SPAG17: variants seen among roughly 807,000 people sequenced by gnomAD.
The protein encoded by SPAG17 is sperm associated antigen 17.
A neutral mutation model predicts 273.6 loss-of-function variants in SPAG17; 169 were observed. The ratio of observed to expected loss-of-function variants is 0.62; its 90% confidence interval spans 0.55 to 0.70. SPAG17 has a LOEUF of 0.70. SPAG17 is among the 30% of genes least tolerant of loss of function. The probability of loss-of-function intolerance (pLI) is 0.00; values close to 1 mark genes in which losing one functional copy is unlikely to be tolerated. For missense variants in SPAG17, 2,557 were observed against 2,627.8 expected, an observed-to-expected ratio of 0.97 and a Z score of 0.59; for synonymous variants, 825 against 873.2, an observed-to-expected ratio of 0.94 and a Z score of 0.97.
chr1:118,033,342 C>A (rs1419713124), intron 24 of SPAG17, among the ~76,000 whole-genome samples: 2 of 152,156 alleles, frequency 1.3e-5, no homozygotes, highest in African/African-American at 4.8e-5. Context: ...ATGCCATGAG[C>A]AATTATGCAG....
At chr1:118,096,348 G>C (rs551171266) in intron 7 of SPAG17, among the ~76,000 whole-genome samples, 1 of 133,866 alleles carries the variant, frequency 7.5e-6, no homozygotes, top group African/African-American at 2.6e-5. Context: ...CTTTTAGACA[G>C]TCGGCTTTTT....
chr1:118,011,430 A>G (rs1193824109), intron 30 of SPAG17, among the ~76,000 whole-genome samples: 1 of 152,174 alleles, frequency 6.6e-6, no homozygotes, highest in East Asian at 1.9e-4. Context: ...TGGAAAACGC[A>G]TGGAGCTGGA....
chr1:118,092,296 G>A (rs1198146844), intron 8 of SPAG17, among the ~76,000 whole-genome samples: 4 of 152,090 alleles, frequency 2.6e-5, no homozygotes, highest in African/African-American at 9.7e-5. Context: ...TTTTTCCCCT[G>A]GGTGACTCAG....
chr1:118,091,901 G>T, intron 9 of SPAG17, 29 bp downstream of exon 9: 1 of 1,609,710 alleles, frequency 6.2e-7, no homozygotes, highest in South Asian at 1.1e-5. Context: ...TCATGGTGTT[G>T]ATCCTCCAGC....
chr1:118,119,155 ATATG>A (rs1657272293), intron 3 of SPAG17, among the ~76,000 whole-genome samples: 1 of 152,206 alleles, frequency 6.6e-6, no homozygotes, highest in Admixed American at 6.5e-5. Flanking sequence ...ATTTATACAT[ATATG>A]CATATATGTG....
At chr1:117,981,229 T>C in intron 43 of SPAG17, 41 bp downstream of exon 43, 1 of 1,529,390 alleles carries the variant, frequency 6.5e-7, no homozygotes, top group South Asian at 1.3e-5. Context: ...AGACATAATG[T>C]TCAGTTTCAA....
intron 18 of SPAG17, among the ~76,000 whole-genome samples, chr1:118,062,841 T>A (rs1410397818): frequency 6.6e-6 from 1 of 152,186 alleles, no homozygotes; most frequent in African/African-American, 2.4e-5. Flanking sequence ...ACTGACTACA[T>A]ATTAAACAAC....
chr1:118,044,602 C>T lies in SPAG17; in HGVS notation c.2815-2560G>A, dbSNP rs757140100. On this transcript the variant is annotated intron_variant, in intron 20 of 48. Coordinates refer to ENST00000336338, the MANE Select transcript of SPAG17 (RefSeq NM_206996.4). ...TGGAAAAATATCTTCAGAGTTGATA[C>T]GGCTTGGATTTGTGTTCCTGCTCAA... Among the ~76,000 whole-genome samples, 11 of 152,138 alleles carry T rather than the reference C, an allele frequency of 7.2e-5. No homozygotes were observed. In the South Asian group the frequency reaches 1.7e-3, roughly 23 times the overall value.
chr1:118,012,511 C>T, intron 29 of SPAG17, 139 bp from the exon 30 acceptor site: 1 of 839,342 alleles, frequency 1.2e-6, no homozygotes, highest in Non-Finnish European at 1.8e-6. Context: ...TCTCATCTAC[C>T]TGATCTAACC....
At chr1:118,152,506 G>T (rs1213726638) in intron 1 of SPAG17, among the ~76,000 whole-genome samples, 1 of 152,122 alleles carries the variant, frequency 6.6e-6, no homozygotes, top group African/African-American at 2.4e-5. Flanking sequence ...TACCATCAAA[G>T]AGCAATTGTC....
At chr1:118,121,232 C>T (rs1184263807) in intron 3 of SPAG17, among the ~76,000 whole-genome samples, 1 of 151,994 alleles carries the variant, frequency 6.6e-6, no homozygotes, top group East Asian at 1.9e-4. Context: ...AGGGCTGGAG[C>T]CAAACAAAGG....
At chr1:118,170,989 C>T (rs755605483) in intron 1 of SPAG17, among the ~76,000 whole-genome samples, 3 of 151,964 alleles carry the variant, frequency 2.0e-5, no homozygotes, top group Non-Finnish European at 2.9e-5. Flanking sequence ...GTGTGTGCAG[C>T]GTTTAGGAAA....
At chr1:118,120,680 T>A (rs1027105626) in intron 3 of SPAG17, among the ~76,000 whole-genome samples, 4 of 152,208 alleles carry the variant, frequency 2.6e-5, no homozygotes, top group Non-Finnish European at 5.9e-5. Flanking sequence ...TGGATTTAGA[T>A]AAACAGGGCT....
chr1:118,050,719 T>C (rs1340152224), intron 20 of SPAG17, among the ~76,000 whole-genome samples: 1 of 152,218 alleles, frequency 6.6e-6, no homozygotes, highest in Non-Finnish European at 1.5e-5. Context: ...TAGACTCTAA[T>C]GTGCATGCAC....
At chr1:118,006,051 G>A (rs999036728) in intron 31 of SPAG17, among the ~76,000 whole-genome samples, 2 of 152,028 alleles carry the variant, frequency 1.3e-5, no homozygotes. Context: ...TGGCTGACAC[G>A]GTCCTTAAGT....
chr1:118,095,405 T>A (rs1167998158), intron 7 of SPAG17, among the ~76,000 whole-genome samples: 2 of 152,200 alleles, frequency 1.3e-5, no homozygotes, highest in Non-Finnish European at 2.9e-5. Context: ...CAAAAGGTAC[T>A]TGGCTTGAGG....
chr1:118,010,030 C>T (rs530407790), intron 30 of SPAG17, among the ~76,000 whole-genome samples: 4 of 152,056 alleles, frequency 2.6e-5, no homozygotes, highest in East Asian at 3.9e-4. Context: ...GCAGATTCTA[C>T]AGAAGTTGAA....
chr1:117,982,058 A>C (rs1021977737), intron 42 of SPAG17, among the ~76,000 whole-genome samples: 3 of 152,090 alleles, frequency 2.0e-5, no homozygotes, highest in Admixed American at 2.0e-4. Context: ...TCTGAGACGC[A>C]ACCTAATAGC....
At position 118,054,923 on chromosome 1, in the gene SPAG17, T is replaced by C. The variant is rs143175645; in HGVS notation, c.2722+810A>G. ...ATAGAGGTTGCCAAAATTTTGGAAA[T>C]TATGTAGCGTTGCTTCTTTATGAGA... On this transcript the variant is annotated intron_variant, in intron 19 of 48. Transcript: ENST00000336338. Among the ~76,000 whole-genome samples the C allele has an allele frequency of 3.2e-3, 491 of 152,222 alleles. 7 individuals carry two copies. Among genetic ancestry groups the C allele is most frequent in the African/African-American group, 0.011 (470 of 41,554 alleles).
Sources: allele counts gnomAD v4.1 joint callset (sites outside exome capture counted in the v4.1 genomes callset), GRCh38; gene constraint gnomAD v4.1.1; transcripts MANE v1.5; gene names NCBI Gene and HGNC (gene_info 2026-07-23, HGNC 2026-07-21).